Variants in FOXP1 observed in about 807,000 individuals in gnomAD.
FOXP1 encodes forkhead box P1.
A neutral mutation model predicts 98.2 loss-of-function variants in FOXP1; 15 were observed. The ratio of observed to expected loss-of-function variants is 0.15; its 90% CI spans 0.10 to 0.24. The LOEUF (loss-of-function observed/expected upper bound fraction) is 0.24, where lower values mean the gene tolerates loss of function less well. Ranked by LOEUF, FOXP1 falls within the 10% of genes least tolerant of loss-of-function variation. The pLI is 1.00. For missense variants in FOXP1, 633 were observed against 848.5 expected (o/e 0.75, Z 3.15); for synonymous variants, 371 against 314.5 (o/e 1.18, Z -1.90).
At chr3:71,199,832 C>T (rs1001863687) in intron 5 of FOXP1, among the ~76,000 whole-genome samples, 2 of 151,862 alleles carry the variant, frequency 1.3e-5, no homozygotes, top group Non-Finnish European at 2.9e-5. Context: ...AATCCCAGGA[C>T]TTTGGGAGGC....
At chr3:71,029,403 T>C (rs2046564399) in intron 11 of FOXP1, among the ~76,000 whole-genome samples, 1 of 152,076 alleles carries the variant, frequency 6.6e-6, no homozygotes, top group Non-Finnish European at 1.5e-5. Flanking sequence ...TTTTTTTTAT[T>C]TTTTTGAGAC....
chr3:71,171,018 T>G (rs989964830), intron 6 of FOXP1, among the ~76,000 whole-genome samples: 6 of 152,050 alleles, frequency 3.9e-5, no homozygotes, highest in African/African-American at 1.4e-4. Context: ...CACCTAAAAC[T>G]AACTGCAAAA....
At chr3:70,966,638 T>G (rs1417129205) in intron 19 of FOXP1, among the ~76,000 whole-genome samples, 1 of 152,188 alleles carries the variant, frequency 6.6e-6, no homozygotes, top group Non-Finnish European at 1.5e-5. Flanking sequence ...CAGTTTGAGA[T>G]AACTGGTTGA....
chr3:71,200,021 G>A (rs1001916085), intron 5 of FOXP1, among the ~76,000 whole-genome samples: 10 of 137,792 alleles, frequency 7.3e-5, no homozygotes, highest in African/African-American at 1.9e-4. Flanking sequence ...GGCGGAGGTT[G>A]CAGTGAGCTG....
chr3:71,517,209 T>C (rs2042644393), intron 2 of FOXP1, among the ~76,000 whole-genome samples: 1 of 151,376 alleles, frequency 6.6e-6, no homozygotes, highest in Admixed American at 6.6e-5. Flanking sequence ...AAAAAATACA[T>C]GTGGCTATGC....
intron 3 of FOXP1, among the ~76,000 whole-genome samples, chr3:71,369,877 C>A (rs2079176803): frequency 6.6e-6 from 1 of 152,160 alleles, no homozygotes; most frequent in Non-Finnish European, 1.5e-5. Context: ...GAACTTGAGA[C>A]AAATGAGGTT....
rs370446943 is a variant in FOXP1 at position 71,030,447 on chromosome 3, ATACT to A, written c.869+10877_869+10880del. On this transcript the variant is annotated intron_variant, in intron 11 of 20. Coordinates refer to ENST00000649528, the MANE Select transcript of FOXP1 (RefSeq NM_001349338.3). The stretch of plus-strand genomic sequence containing the variant: ...AACAGTAACCTCAGCCCCACAAATA[ATACT>A]TACTCCCTTTCCTACTTTTTCTGTT... 1.7e-3 allele frequency among the ~76,000 whole-genome samples: 252 copies of A among 152,314 alleles called. 3 individuals carry two copies. Among genetic ancestry groups the A allele is most frequent in the African/African-American group, 5.9e-3 (245 of 41,566 alleles).
chr3:71,036,077 T>C (rs1383744983), intron 11 of FOXP1, among the ~76,000 whole-genome samples: 1 of 152,226 alleles, frequency 6.6e-6, no homozygotes, highest in Non-Finnish European at 1.5e-5. Context: ...TATTGTTACA[T>C]AGTCAAATAC....
In FOXP1 at chr3:71,513,999, T is replaced by G. The variant is rs576860026; in HGVS notation, c.-297-20444A>C. On this transcript the variant is annotated intron_variant, in intron 2 of 20. Transcript: ENST00000649528. ...TCCTCAAACTTTGCTCCAATGAGTC[T>G]GTGCATATGCCTTGAACTGCAATTC... Among the ~76,000 whole-genome samples the G allele has an allele frequency of 7.2e-5, 11 of 152,368 alleles. No homozygotes were observed. In the South Asian group the frequency reaches 2.3e-3, roughly 32 times the overall value.
At chr3:71,422,473 C>A (rs2083736784) in intron 3 of FOXP1, among the ~76,000 whole-genome samples, 1 of 152,168 alleles carries the variant, frequency 6.6e-6, no homozygotes, top group Non-Finnish European at 1.5e-5. Context: ...GAGGACCACA[C>A]TTTGAGCAGT....
rs11438381 is a variant in FOXP1 at position 71,291,712 on chromosome 3, A to ATTTTTTT, written c.-12+8101_-12+8107dup. Among the ~76,000 whole-genome samples the ATTTTTTT allele has an allele frequency of 6.4e-5, 8 of 125,194 alleles. 1 individual carries two copies. Among genetic ancestry groups the ATTTTTTT allele is most frequent in the Non-Finnish European group, 9.8e-5 (6 of 61,378 alleles). 82.1% of individuals were successfully genotyped at this position (125,194 alleles called of 152,430 possible). ...TTACTGTATTGTATGCTTATTCTGT[A>ATTTTTTT]TTTTTTTTTTTTTTTTTTTGAGATG... On this transcript the variant is annotated intron_variant, in intron 5 of 20. Transcript: ENST00000649528.
At chr3:70,976,840 A>C (rs2037670743) in intron 17 of FOXP1, 101 bp downstream of exon 17, 1 of 837,932 alleles carries the variant, frequency 1.2e-6, no homozygotes, top group African/African-American at 1.7e-5. Context: ...GTATCAAAAC[A>C]ATATAAATGT....
chr3:71,097,541 T>C (rs909620731), intron 7 of FOXP1, among the ~76,000 whole-genome samples: 5 of 152,100 alleles, frequency 3.3e-5, no homozygotes, highest in Admixed American at 3.3e-4. Flanking sequence ...CAAGCAAACA[T>C]GGCAGGTGAA....
intron 2 of FOXP1, among the ~76,000 whole-genome samples, chr3:71,542,348 A>G (rs1424901636): frequency 6.6e-6 from 1 of 152,240 alleles, no homozygotes; most frequent in African/African-American, 2.4e-5. Flanking sequence ...AGAACAAGAA[A>G]CAAACCACAA....
chr3:71,387,932 A>G, intron 3 of FOXP1, among the ~76,000 whole-genome samples: 1 of 152,264 alleles, frequency 6.6e-6, no homozygotes, highest in East Asian at 1.9e-4. Flanking sequence ...CCAATACCAA[A>G]CCAATGCCAG....
intron 7 of FOXP1, among the ~76,000 whole-genome samples, chr3:71,099,117 C>T (rs1336470908): frequency 6.6e-6 from 1 of 152,158 alleles, no homozygotes; most frequent in African/African-American, 2.4e-5. Flanking sequence ...ATAAGCAAAA[C>T]GATGGTCCAC....
chr3:71,581,982 G>C, intron 1 of FOXP1: 1 of 957,236 alleles, frequency 1.0e-6, no homozygotes, highest in Non-Finnish European at 1.2e-6. Context: ...ATAGGGAGAA[G>C]GGGGTGGGAT....
rs182366733 is a variant in FOXP1 at position 71,114,733 on chromosome 3, G to A, written c.181-2096C>T. On this transcript the variant is annotated intron_variant, in intron 6 of 20. Transcript: ENST00000649528. Reference sequence around the variant, plus strand: ...CAGATTCGACAAGGCCTGCCTGGAAGAGCCTCGAGAAAAGGGGCTGTCTGA... The same window carrying A: ...CAGATTCGACAAGGCCTGCCTGGAAAAGCCTCGAGAAAAGGGGCTGTCTGA... Among the ~76,000 whole-genome samples the A allele has an allele frequency of 3.0e-4, 46 of 152,310 alleles. No individual in the cohort carries two copies. The East Asian group carries it at 5.4e-3, about 18-fold the overall frequency.
intron 12 of FOXP1, among the ~76,000 whole-genome samples, chr3:71,012,987 T>C (rs1227939637): frequency 6.6e-6 from 1 of 152,160 alleles, no homozygotes; most frequent in Non-Finnish European, 1.5e-5. Context: ...TTCAGTGATA[T>C]TATGAATATA....
Sources: gnomAD v4.1 joint callset for allele counts (sites outside exome capture counted in the v4.1 genomes callset) on GRCh38, gnomAD v4.1.1 for gene constraint, MANE v1.5 for transcripts, NCBI Gene and HGNC (gene_info 2026-07-23, HGNC 2026-07-21) for gene names.